The following ZNF713 variants were observed in gnomAD, a reference collection of about 807,000 sequenced individuals.
ZNF713 encodes the protein zinc finger protein 713.
A neutral mutation model predicts 28.7 loss-of-function variants in ZNF713; 21 were observed. The observed-to-expected ratio is 0.73, with a 90% CI of 0.52 to 1.05. ZNF713 has a LOEUF of 1.05. Among genes scored for constraint, ZNF713 ranks in the 50% least tolerant of loss-of-function variants. The pLI is 0.00. For synonymous variants in ZNF713, 167 were observed against 178.0 expected (o/e 0.94, Z 0.49); for missense variants, 458 against 532.4 (o/e 0.86, Z 1.37).
intron 4 of ZNF713, among the ~76,000 whole-genome samples, chr7:55,920,075 A>T (rs1350982897): frequency 6.6e-6 from 1 of 152,188 alleles, no homozygotes; most frequent in East Asian, 1.9e-4. Flanking sequence ...CAATATTGAA[A>T]TTAGGCCAAG....
chr7:55,892,439 G>T (rs1332823846), intron 1 of ZNF713, among the ~76,000 whole-genome samples: 1 of 149,384 alleles, frequency 6.7e-6, no homozygotes, highest in Non-Finnish European at 1.5e-5. Flanking sequence ...TAAGGGTCAT[G>T]ACAGAAAACC....
chr7:55,917,269 A>C (rs544924884), intron 4 of ZNF713, among the ~76,000 whole-genome samples: 25 of 151,514 alleles, frequency 1.7e-4, no homozygotes, highest in Admixed American at 2.6e-4. Flanking sequence ...GGAAAAAAAA[A>C]AACAACAAAC....
intron 6 of ZNF713, among the ~76,000 whole-genome samples, chr7:55,926,603 C>T (rs1284971429): frequency 6.6e-6 from 1 of 152,112 alleles, no homozygotes; most frequent in Non-Finnish European, 1.5e-5. Context: ...TACTGCATGC[C>T]TCATTGTTAT....
intron 1 of ZNF713, among the ~76,000 whole-genome samples, chr7:55,896,763 C>A (rs1785481139): frequency 6.6e-6 from 1 of 152,052 alleles, no homozygotes; most frequent in African/African-American, 2.4e-5. Flanking sequence ...GCACCCAAAT[C>A]TTTGTTTCTA....
rs1222254075 is a variant in ZNF713 at position 55,887,916 on chromosome 7, T to A, written c.-583+236T>A. Among the ~76,000 whole-genome samples, 24 of 138,676 alleles carry A rather than the reference T, an allele frequency of 1.7e-4. 2 individuals are homozygous for A. The highest frequency in any genetic ancestry group is 1.1e-3 in the Admixed American group (15 of 13,644). 91.0% of individuals were successfully genotyped at this position (138,676 alleles called of 152,430 possible). A position where few individuals can be genotyped will look rare whatever the true frequency, so the allele number is the denominator to read the frequency against. On this transcript the variant is annotated intron_variant, in intron 1 of 6. Transcript: ENST00000429591. Reference sequence around the variant, plus strand: ...GGCGGCGGCGGCGGGAGGCGGCAGGTGGCGGGAGGGGCGGCCGCTGTCCCC... The same window carrying A: ...GGCGGCGGCGGCGGGAGGCGGCAGGAGGCGGGAGGGGCGGCCGCTGTCCCC...
At chr7:55,923,815 G>GA in intron 6 of ZNF713, 116 bp downstream of exon 6, 3 of 661,786 alleles carry the variant, frequency 4.5e-6, no homozygotes, top group Non-Finnish European at 7.5e-6. Flanking sequence ...TAAGCCTTTT[G>GA]AAAAAAATCA....
In ZNF713 at chr7:55,939,472, C is replaced by G; in HGVS notation, c.798C>G (p.Ala266=). Reference sequence around the variant, plus strand: ...AGAAACCCAGTGAGTGTGGGAAGGCCTTCAGCCACACCTCATCTCTTAGCC... The same window carrying G: ...AGAAACCCAGTGAGTGTGGGAAGGCGTTCAGCCACACCTCATCTCTTAGCC... ...TAEKPSECGK[A]FSHTSSLSQP... Residue 266 remains alanine, a synonymous_variant, in exon 7 of 7, where the codon GCC becomes GCG. Transcript: ENST00000429591. The G allele has an allele frequency of 6.2e-7, 1 of 1,614,070 alleles. No homozygotes were observed. Among genetic ancestry groups the G allele is most frequent in the Non-Finnish European group, 8.5e-7 (1 of 1,180,032 alleles).
rs1443593552 is a variant in ZNF713, at chr7:55,939,576, T to C, written c.902T>C (p.Leu301Pro). Residue 301 changes from leucine (L) to proline (P), a missense_variant, in exon 7 of 7, where the codon CTC becomes CCC. Coordinates refer to ENST00000429591, the MANE Select transcript of ZNF713 (RefSeq NM_182633.3). ...AAAAGATTCAGCCAGAGGATACATC[T>C]CATTCAACATCAGAGAATTCACACA... The part of the protein sequence containing the change: ...CGKRFSQRIH[L>P]IQHQRIHTGE... 6.2e-7 allele frequency: 1 copy of C among 1,614,030 alleles called. No homozygotes were observed. The highest frequency in any genetic ancestry group is 1.7e-5 in the Admixed American group (1 of 59,960).
intron 4 of ZNF713, chr7:55,917,988 C>G: frequency 2.2e-6 from 1 of 452,790 alleles, no homozygotes; most frequent in East Asian, 7.0e-5. Flanking sequence ...GGCCAAAATA[C>G]CTCCCATCCC....
intron 4 of ZNF713, among the ~76,000 whole-genome samples, chr7:55,915,588 A>G (rs1030043385): frequency 6.6e-6 from 1 of 152,234 alleles, no homozygotes; most frequent in Non-Finnish European, 1.5e-5. Context: ...AAGATGAGAA[A>G]GAAAAGATAA....
intron 1 of ZNF713, among the ~76,000 whole-genome samples, chr7:55,899,439 G>GCACTTT: frequency 6.9e-6 from 1 of 145,964 alleles, no homozygotes; most frequent in African/African-American, 2.5e-5. Flanking sequence ...CCGAGGGGGG[G>GCACTTT]GGGGGGGTTG....
intron 4 of ZNF713, among the ~76,000 whole-genome samples, chr7:55,912,983 GACTGTCTTTTAATCGTC>G (rs1785812769): frequency 6.6e-6 from 1 of 152,072 alleles, no homozygotes. Context: ...CAAAACAATG[GACTGTCTTTTAATCGTC>G]CTTAAATAGC....
intron 4 of ZNF713, 120 bp downstream of exon 4, chr7:55,912,843 C>A: frequency 1.4e-6 from 1 of 730,610 alleles, no homozygotes; most frequent in South Asian, 1.7e-5. Flanking sequence ...ATTCATGTGA[C>A]AGATGATATA....
intron 2 of ZNF713, among the ~76,000 whole-genome samples, chr7:55,907,507 T>C (rs1308517065): frequency 3.3e-5 from 5 of 152,244 alleles, no homozygotes; most frequent in Middle Eastern, 3.2e-3. Context: ...GTTTGTTACA[T>C]AGACATGTTG....
At chr7:55,922,325 G>C (rs1786007438) in intron 4 of ZNF713, among the ~76,000 whole-genome samples, 1 of 151,742 alleles carries the variant, frequency 6.6e-6, no homozygotes, top group Non-Finnish European at 1.5e-5. Context: ...CAGATCATAA[G>C]GTCAAGAGAT....
At position 55,923,184 on chromosome 7, in the gene ZNF713, T is replaced by A; in HGVS notation, c.110T>A (p.Val37Glu). The change falls in exon 5 of 7, where the codon GTG (valine) becomes GAG (glutamate). Residue 37 changes from valine to glutamate, a missense_variant. Coordinates refer to ENST00000429591, the MANE Select transcript of ZNF713 (RefSeq NM_182633.3). Reference sequence around the variant, plus strand: ...CAGGAATCACTGACGTTTCAGGATGTGGCCGTGGACTTCACCAGAGAGGAG... The same window carrying A: ...CAGGAATCACTGACGTTTCAGGATGAGGCCGTGGACTTCACCAGAGAGGAG... ...RSQESLTFQD[V>E]AVDFTREEWD... 6.2e-7 allele frequency: 1 copy of A among 1,612,844 alleles called. No individual in the cohort carries two copies. The highest frequency in any genetic ancestry group is 8.5e-7 in the Non-Finnish European group (1 of 1,179,496).
At chr7:55,914,550 T>G (rs1785846856) in intron 4 of ZNF713, among the ~76,000 whole-genome samples, 1 of 152,110 alleles carries the variant, frequency 6.6e-6, no homozygotes, top group African/African-American at 2.4e-5. Flanking sequence ...TGCATAATGT[T>G]GGATGCTGCT....
chr7:55,910,820 TG>T (rs1252770824), intron 2 of ZNF713, among the ~76,000 whole-genome samples: 1 of 152,108 alleles, frequency 6.6e-6, no homozygotes, highest in Admixed American at 6.5e-5. Context: ...CTTCTACCCA[TG>T]GGTTCTGTGA....
intron 6 of ZNF713, among the ~76,000 whole-genome samples, chr7:55,937,290 A>G (rs7776908): frequency 0.038 from 5,791 of 151,696 alleles, 151 homozygotes; most frequent in African/African-American, 0.058. Context: ...ACAGAGCAAG[A>G]CTCTGTCTCC....
Sources: allele counts gnomAD v4.1 joint callset (sites outside exome capture counted in the v4.1 genomes callset), GRCh38; gene constraint gnomAD v4.1.1; transcripts MANE v1.5; gene names NCBI Gene and HGNC (gene_info 2026-07-23, HGNC 2026-07-21).